CAST: variants seen among roughly 807,000 people sequenced by gnomAD.
The protein encoded by CAST is MIR583 host.
Under a neutral mutation model 119.6 loss-of-function variants are expected in CAST, and 76 were observed. The observed-to-expected ratio is 0.64, with a 90% confidence interval of 0.53 to 0.77. CAST has a LOEUF of 0.77. Ranked by LOEUF, CAST falls within the 30% of genes least tolerant of loss-of-function variation. CAST has a pLI of 0.00. For missense variants in CAST, 953 were observed against 946.5 expected (o/e 1.01, Z -0.09); for synonymous variants, 319 against 331.6 (o/e 0.96, Z 0.41).
At chr5:96,292,897 T>G in the CAST span, among the ~76,000 whole-genome samples, 2 of 152,208 alleles carry the variant, frequency 1.3e-5, no homozygotes, top group East Asian at 3.9e-4. Flanking sequence ...ATTCCCTTTT[T>G]GATTAAGCCA....
At chr5:96,218,064 A>G in the CAST span, among the ~76,000 whole-genome samples, 1 of 152,250 alleles carries the variant, frequency 6.6e-6, no homozygotes, top group Non-Finnish European at 1.5e-5. Context: ...GTAATAATCA[A>G]GAAAAAGTGA....
chr5:96,750,257 A>G (rs1394731058), intron 19 of CAST, among the ~76,000 whole-genome samples: 1 of 152,236 alleles, frequency 6.6e-6, no homozygotes, highest in Non-Finnish European at 1.5e-5. Flanking sequence ...GGTACTATGC[A>G]TAGCACTTTG....
the CAST span, among the ~76,000 whole-genome samples, chr5:95,983,385 A>T: frequency 6.6e-6 from 1 of 152,250 alleles, no homozygotes. Flanking sequence ...AGCACATTTC[A>T]TAACTCTGTT....
the CAST span, among the ~76,000 whole-genome samples, chr5:96,348,268 A>T: frequency 1.3e-5 from 2 of 152,074 alleles, no homozygotes; most frequent in African/African-American, 4.8e-5. Flanking sequence ...AAATAGGATG[A>T]TGGATGGAAA....
At chr5:95,999,472 C>T in the CAST span, among the ~76,000 whole-genome samples, 1 of 152,146 alleles carries the variant, frequency 6.6e-6, no homozygotes, top group Non-Finnish European at 1.5e-5. Flanking sequence ...ATCTTAGTCT[C>T]TTGAGTAGCT....
the CAST span, among the ~76,000 whole-genome samples, chr5:96,113,785 A>G: frequency 1.3e-5 from 2 of 152,270 alleles, no homozygotes; most frequent in Admixed American, 1.3e-4. Flanking sequence ...CTAAATAAGG[A>G]GATTTATTCT....
chr5:96,056,642 A>C, the CAST span, among the ~76,000 whole-genome samples: 1 of 152,184 alleles, frequency 6.6e-6, no homozygotes, highest in Non-Finnish European at 1.5e-5. Flanking sequence ...TTTCCTGGCA[A>C]GATGGAATGA....
the CAST span, among the ~76,000 whole-genome samples, chr5:96,264,225 C>T: frequency 1.2e-4 from 19 of 152,210 alleles, 1 homozygote; most frequent in East Asian, 3.9e-4. Context: ...GGAGTCTTAG[C>T]GCAATATTCA....
the CAST span, among the ~76,000 whole-genome samples, chr5:96,206,145 C>T: frequency 6.6e-6 from 1 of 151,398 alleles, no homozygotes; most frequent in African/African-American, 2.4e-5. Flanking sequence ...CTTTTGCCCC[C>T]TTTTTAATGG....
the CAST span, chr5:96,422,041 AC>A: frequency 1.3e-6 from 1 of 778,084 alleles, no homozygotes; most frequent in East Asian, 2.5e-5. Flanking sequence ...CAAGCCTCTT[AC>A]CCTATGCCTT....
the CAST span, among the ~76,000 whole-genome samples, chr5:96,182,589 T>G: frequency 2.0e-5 from 3 of 152,198 alleles, no homozygotes; most frequent in African/African-American, 4.8e-5. Flanking sequence ...TATGTCAGAC[T>G]TACCATATAA....
chr5:96,747,307 T>C (rs751428773), intron 17 of CAST, 38 bp from the exon 18 acceptor site: 2 of 1,402,852 alleles, frequency 1.4e-6, no homozygotes, highest in African/African-American at 2.8e-5. Context: ...AGCAAAATTT[T>C]CTATTTCATT....
At chr5:96,022,110 A>G in the CAST span, among the ~76,000 whole-genome samples, 2 of 152,182 alleles carry the variant, frequency 1.3e-5, no homozygotes, top group Non-Finnish European at 2.9e-5. Context: ...ATATGGGAGG[A>G]TGTACATAGG....
chr5:96,221,569 A>C, the CAST span, among the ~76,000 whole-genome samples: 1 of 152,124 alleles, frequency 6.6e-6, no homozygotes, highest in Non-Finnish European at 1.5e-5. Context: ...AAAGATTGCT[A>C]TAAGAAAAAC....
At chr5:96,416,037 A>C in the CAST span, 1 of 1,602,262 alleles carries the variant, frequency 6.2e-7, no homozygotes, top group Non-Finnish European at 8.6e-7. Flanking sequence ...TTTTACCTCC[A>C]ACTTTGGAAT....
chr5:96,634,586 T>A (rs1747862614), intron 1 of CAST, among the ~76,000 whole-genome samples: 1 of 152,188 alleles, frequency 6.6e-6, no homozygotes, highest in Non-Finnish European at 1.5e-5. Flanking sequence ...CTTTCCTGGA[T>A]GCCTACATGA....
the CAST span, chr5:96,425,789 C>CCACCCACA: frequency 6.6e-6 from 8 of 1,210,054 alleles, no homozygotes; most frequent in Non-Finnish European, 9.9e-6. Flanking sequence ...GTCCCAGGTC[C>CCACCCACA]CACCCACATA....
the CAST span, among the ~76,000 whole-genome samples, chr5:96,218,986 A>G: frequency 6.6e-6 from 1 of 152,186 alleles, no homozygotes; most frequent in African/African-American, 2.4e-5. Flanking sequence ...AAGTGGAGAT[A>G]TTAGGTGTTC....
the CAST span, among the ~76,000 whole-genome samples, chr5:96,268,015 CTTA>C: frequency 6.6e-6 from 1 of 152,088 alleles, no homozygotes; most frequent in Non-Finnish European, 1.5e-5. Context: ...TTTAAAATAA[CTTA>C]TTATATCTAT....
Sources: allele counts gnomAD v4.1 joint callset (sites outside exome capture counted in the v4.1 genomes callset), GRCh38; gene constraint gnomAD v4.1.1; transcripts MANE v1.5; gene names NCBI Gene and HGNC (gene_info 2026-07-23, HGNC 2026-07-21).